The following PDZD2 variants were observed in gnomAD, a reference collection of about 807,000 sequenced individuals.
The protein encoded by PDZD2 is PDZ domain containing 2.
PDZD2 carries 90 observed loss-of-function variants against 220.7 expected under a neutral mutation model. That is an observed-to-expected ratio of 0.41 (90% CI 0.34 to 0.49). PDZD2 has a LOEUF of 0.49. Ranked by LOEUF, PDZD2 falls within the 20% of genes least tolerant of loss-of-function variation. The pLI, the probability that PDZD2 is intolerant of heterozygous loss-of-function variation, is 0.28. For missense variants in PDZD2, 3,174 were observed against 3,608.5 expected, an observed-to-expected ratio of 0.88 and a Z score of 3.08; for synonymous variants, 1,375 against 1,450.5, an observed-to-expected ratio of 0.95 and a Z score of 1.18.
intron 8 of PDZD2, among the ~76,000 whole-genome samples, chr5:32,051,324 G>A (rs1207367515): frequency 2.0e-5 from 3 of 152,090 alleles, no homozygotes; most frequent in African/African-American, 7.2e-5. Context: ...AGTCTGGGAG[G>A]CCAACATTGT....
intron 2 of PDZD2, among the ~76,000 whole-genome samples, chr5:31,928,858 T>C (rs1361143912): frequency 6.6e-6 from 1 of 152,110 alleles, no homozygotes; most frequent in Non-Finnish European, 1.5e-5. Flanking sequence ...TATGTTTCCA[T>C]TTACTTACCA....
At chr5:31,865,079 C>A (rs1360260611) in intron 2 of PDZD2, among the ~76,000 whole-genome samples, 2 of 151,468 alleles carry the variant, frequency 1.3e-5, no homozygotes, top group Non-Finnish European at 1.5e-5. Flanking sequence ...GATCTCCTGA[C>A]CTCGTGATCC....
chr5:31,941,154 T>G (rs577193609), intron 2 of PDZD2, among the ~76,000 whole-genome samples: 154 of 152,360 alleles, frequency 1.0e-3, no homozygotes, highest in Non-Finnish European at 1.7e-3. Context: ...TCTTGCCTTT[T>G]GCACCAACAT....
intron 2 of PDZD2, among the ~76,000 whole-genome samples, chr5:31,881,426 G>A (rs1739915814): frequency 6.8e-6 from 1 of 146,824 alleles, no homozygotes; most frequent in South Asian, 2.2e-4. Context: ...GGCTGGAGTT[G>A]GAGTGCAATG....
intron 6 of PDZD2, among the ~76,000 whole-genome samples, chr5:32,030,012 G>A (rs550285094): frequency 6.6e-6 from 1 of 152,298 alleles, no homozygotes; most frequent in East Asian, 1.9e-4. Context: ...AATCAACCCG[G>A]TCCTACTTCA....
chr5:31,676,601 C>T (rs1263569233), intron 1 of PDZD2, among the ~76,000 whole-genome samples: 2 of 147,576 alleles, frequency 1.4e-5, no homozygotes, highest in Non-Finnish European at 3.0e-5. Context: ...GAGTCTCGCT[C>T]TGTCACCCAT....
chr5:31,879,514 C>A (rs1464551673), intron 2 of PDZD2, among the ~76,000 whole-genome samples: 5 of 151,926 alleles, frequency 3.3e-5, no homozygotes, highest in Admixed American at 2.0e-4. Context: ...ATTCTGATAG[C>A]TGTTTGCTGA....
At chr5:31,926,526 G>GAAAAAAAAAAAAAAAAA (rs71300157) in intron 2 of PDZD2, among the ~76,000 whole-genome samples, 2 of 83,990 alleles carry the variant, frequency 2.4e-5, no homozygotes, top group Non-Finnish European at 4.6e-5. Flanking sequence ...AACTGCATCT[G>GAAAAAAAAAAAAAAAAA]AAAAAAAAAA....
chr5:31,896,685 C>T (rs1741600913), intron 2 of PDZD2, among the ~76,000 whole-genome samples: 1 of 152,158 alleles, frequency 6.6e-6, no homozygotes, highest in Non-Finnish European at 1.5e-5. Flanking sequence ...TGGCTGAGTG[C>T]TATGGCTCAT....
Position 32,093,014 on chromosome 5 carries a change from C to G in PDZD2, c.7835C>G (p.Ala2612Gly). 3 of 1,528,686 alleles carry G rather than the reference C, an allele frequency of 2.0e-6. No individual in the cohort carries two copies. The highest frequency in any genetic ancestry group is 1.1e-5 in the South Asian group (1 of 89,050). The allele number at this position is 1,528,686 out of a possible 1,614,324, so 94.7% of individuals were successfully genotyped here. A position where few individuals can be genotyped will look rare whatever the true frequency, so the allele number is the denominator to read the frequency against. Residue 2612 changes from alanine to glycine, a missense_variant, in exon 21 of 25, where the codon GCA (alanine) becomes GGA (glycine). Around this residue, in one of 4 missense-constraint regions of PDZD2, gnomAD observed 631 missense variants for 789.9 expected, o/e 0.80. Transcript: ENST00000438447. ...CTAACTCTCATTCAGGAAGCGAAAG[C>G]ACAATCAGAGGTGAGTGAAACACAG... The part of the protein sequence containing the change: ...TILTLIQEAK[A>G]QSENEEDVCF...
At chr5:31,849,400 CTAAA>C in intron 2 of PDZD2, among the ~76,000 whole-genome samples, 1 of 152,164 alleles carries the variant, frequency 6.6e-6, no homozygotes, top group Admixed American at 6.5e-5. Context: ...ATGAGATAAT[CTAAA>C]TAAAGTACTT....
Position 32,022,683 on chromosome 5 carries a change from A to T in PDZD2, c.1407+12201A>T, listed in dbSNP as rs916000118. Among the ~76,000 whole-genome samples the T allele has an allele frequency of 3.3e-5, 5 of 152,122 alleles. No homozygotes were observed. In the East Asian group the frequency reaches 7.7e-4, roughly 23 times the overall value. ...AGGAACACCTGCAGAAACTGATGACATTCTGGAACAGAAAAATAACATGTA... is the reference window on the plus strand; with the variant it reads ...AGGAACACCTGCAGAAACTGATGACTTTCTGGAACAGAAAAATAACATGTA... On this transcript the variant is annotated intron_variant, in intron 6 of 24. Coordinates refer to ENST00000438447, the MANE Select transcript of PDZD2 (RefSeq NM_178140.4).
rs56301480 is a variant in PDZD2 at position 31,706,143 on chromosome 5, C to T, written c.-361+66706C>T. On this transcript the variant is annotated intron_variant, in intron 1 of 24. Transcript: ENST00000438447. ...GATGGATCCCACACAACTGGATTAA[C>T]GGCTGAATGTAGTAGGTATTCAATA... Among the ~76,000 whole-genome samples the T allele has an allele frequency of 5.5e-3, 832 of 152,248 alleles. 11 individuals are homozygous for T. Among genetic ancestry groups the T allele is most frequent in the African/African-American group, 0.019 (799 of 41,536 alleles).
At chr5:32,077,720 G>A in intron 19 of PDZD2, 114 bp downstream of exon 19, 5 of 1,068,108 alleles carry the variant, frequency 4.7e-6, no homozygotes, top group Non-Finnish European at 6.9e-6. Context: ...ACTCTGGGAG[G>A]CCGAGGTGGG....
chr5:31,913,946 C>CT (rs1022533427), intron 2 of PDZD2, among the ~76,000 whole-genome samples: 7 of 33,142 alleles, frequency 2.1e-4, no homozygotes, highest in African/African-American at 3.8e-4. Flanking sequence ...CTCTCCCCTA[C>CT]CCCCAGCACA....
intron 1 of PDZD2, among the ~76,000 whole-genome samples, chr5:31,729,403 T>C (rs1048431609): frequency 3.3e-5 from 5 of 152,102 alleles, no homozygotes; most frequent in Non-Finnish European, 5.9e-5. Context: ...GGCCGAGAGA[T>C]AGAAATCTTA....
At chr5:32,006,266 A>G (rs6859043) in intron 5 of PDZD2, among the ~76,000 whole-genome samples, 34,344 of 151,668 alleles carry the variant, frequency 0.23, 4,025 homozygotes, top group Admixed American at 0.27. Context: ...TATTACATAC[A>G]TTATTAATAT....
rs1561499151 is a variant in PDZD2, at chr5:31,840,427, TATATATATATATATA to T, written c.476+40704_476+40718del. 1.0e-3 allele frequency: 126 copies of T among 122,706 alleles called. 6 individuals are homozygous for T. The highest frequency in any genetic ancestry group is 3.7e-3 in the African/African-American group (112 of 30,096). 7.6% of individuals were successfully genotyped at this position (122,706 alleles called of 1,614,324 possible). A position where few individuals can be genotyped will look rare whatever the true frequency, so the allele number is the denominator to read the frequency against. ...ATATATATATATATATATATATATA[TATATATATATATATA>T]TATATATTTGTTTATAGTCCAGAGG... On this transcript the variant is annotated intron_variant, in intron 2 of 24. Transcript: ENST00000438447.
chr5:31,664,279 C>G (rs1210216219), intron 1 of PDZD2, among the ~76,000 whole-genome samples: 1 of 151,884 alleles, frequency 6.6e-6, no homozygotes, highest in South Asian at 2.1e-4. Context: ...TCAGGATTAC[C>G]GACACGCACC....
Sources: allele counts gnomAD v4.1 joint callset (sites outside exome capture counted in the v4.1 genomes callset), GRCh38; gene constraint gnomAD v4.1.1; regional missense constraint gnomAD v4.1.1; transcripts MANE v1.5; gene names NCBI Gene and HGNC (gene_info 2026-07-23, HGNC 2026-07-21).